Variants in CSMD3 observed in about 807,000 individuals in gnomAD.
CSMD3 encodes the protein CUB and sushi domain-containing protein 3.
A neutral mutation model predicts 435.2 loss-of-function variants in CSMD3; 177 were observed. The observed-to-expected ratio is 0.41, with a 90% CI of 0.36 to 0.46. The LOEUF (loss-of-function observed/expected upper bound fraction) is 0.46. CSMD3 is among the 20% of genes least tolerant of loss of function. CSMD3 has a pLI of 0.34. For missense variants in CSMD3, 4,265 were observed against 4,504.6 expected (o/e 0.95, Z 1.52); for synonymous variants, 1,656 against 1,520.5 (o/e 1.09, Z -2.07).
intron 22 of CSMD3, among the ~76,000 whole-genome samples, chr8:112,627,153 G>C (rs767743659): frequency 1.1e-4 from 16 of 152,118 alleles, no homozygotes; most frequent in Admixed American, 3.3e-4. Flanking sequence ...TGGCAAAGTT[G>C]ATGAATATCA....
intron 13 of CSMD3, among the ~76,000 whole-genome samples, chr8:112,699,957 CGTGT>C (rs138809387): frequency 2.6e-5 from 4 of 151,450 alleles, no homozygotes; most frequent in Non-Finnish European, 5.9e-5. Context: ...AAAACATACA[CGTGT>C]GTGTGTGTGC....
At chr8:112,453,957 T>C (rs1000307532) in intron 32 of CSMD3, among the ~76,000 whole-genome samples, 1 of 151,866 alleles carries the variant, frequency 6.6e-6, no homozygotes. Flanking sequence ...GAAATAAAGC[T>C]GTACTTCTAC....
At chr8:112,263,438 A>G (rs1816630778) in intron 61 of CSMD3, among the ~76,000 whole-genome samples, 1 of 152,168 alleles carries the variant, frequency 6.6e-6, no homozygotes, top group Non-Finnish European at 1.5e-5. Flanking sequence ...AAAGTTTATA[A>G]ACTAAAACCG....
intron 3 of CSMD3, among the ~76,000 whole-genome samples, chr8:113,211,515 C>A (rs1356668957): frequency 6.6e-6 from 1 of 152,030 alleles, no homozygotes; most frequent in Non-Finnish European, 1.5e-5. Context: ...CATGGTGAAA[C>A]CCTGTCTATT....
intron 16 of CSMD3, among the ~76,000 whole-genome samples, chr8:112,676,968 C>T (rs747860945): frequency 2.6e-5 from 4 of 152,094 alleles, no homozygotes; most frequent in Non-Finnish European, 5.9e-5. Context: ...ATGTCAAAAA[C>T]TTGCTGTCTC....
intron 3 of CSMD3, among the ~76,000 whole-genome samples, chr8:113,175,932 A>C (rs1363459161): frequency 6.6e-6 from 1 of 152,046 alleles, no homozygotes; most frequent in Admixed American, 6.6e-5. Flanking sequence ...AATAAAATGA[A>C]AGAGAAGAAA....
At chr8:113,308,027 T>C (rs538727450) in intron 2 of CSMD3, among the ~76,000 whole-genome samples, 7 of 152,268 alleles carry the variant, frequency 4.6e-5, no homozygotes, top group African/African-American at 1.2e-4. Flanking sequence ...CTATAGAGTG[T>C]TTCTCTATTT....
At chr8:112,249,569 A>T (rs1815077816) in intron 63 of CSMD3, among the ~76,000 whole-genome samples, 1 of 152,082 alleles carries the variant, frequency 6.6e-6, no homozygotes, top group Non-Finnish European at 1.5e-5. Context: ...TTTCTGCCTT[A>T]AAGTCAGAGT....
intron 8 of CSMD3, among the ~76,000 whole-genome samples, chr8:112,950,561 C>G (rs2083771736): frequency 6.6e-6 from 1 of 151,900 alleles, no homozygotes; most frequent in South Asian, 2.1e-4. Context: ...ATAGTTAACA[C>G]TTACATAATA....
intron 1 of CSMD3, among the ~76,000 whole-genome samples, chr8:113,354,663 G>A (rs1371244334): frequency 2.0e-5 from 3 of 152,030 alleles, no homozygotes; most frequent in African/African-American, 2.4e-5. Flanking sequence ...TTCTTGAAAC[G>A]GAGTCCAACT....
At chr8:112,579,186 A>C (rs944669861) in intron 23 of CSMD3, among the ~76,000 whole-genome samples, 2 of 152,106 alleles carry the variant, frequency 1.3e-5, no homozygotes, top group Admixed American at 6.6e-5. Flanking sequence ...AATTTGGTTA[A>C]TTAAATAATA....
At chr8:112,751,360 G>C (rs1248913667) in intron 13 of CSMD3, among the ~76,000 whole-genome samples, 1 of 152,062 alleles carries the variant, frequency 6.6e-6, no homozygotes, top group Non-Finnish European at 1.5e-5. Flanking sequence ...GGTGGAGAAA[G>C]AGGAGAGGAA....
chr8:112,523,132 C>A (rs1586591272), intron 27 of CSMD3, among the ~76,000 whole-genome samples: 2 of 151,902 alleles, frequency 1.3e-5, no homozygotes, highest in East Asian at 1.9e-4. Context: ...TATTTCAAGA[C>A]CTTTCAAAGA....
intron 13 of CSMD3, among the ~76,000 whole-genome samples, chr8:112,778,397 A>G (rs1007558254): frequency 2.0e-5 from 3 of 152,060 alleles, no homozygotes; most frequent in African/African-American, 7.2e-5. Context: ...ATCCCTGGAA[A>G]CCACTGATAA....
In CSMD3 at chr8:113,390,087, T is replaced by C. The variant is rs149917769; in HGVS notation, c.178+46590A>G. Among the ~76,000 whole-genome samples, 93 of 151,984 alleles carry C rather than the reference T, an allele frequency of 6.1e-4. 1 individual carries two copies. Among genetic ancestry groups the C allele is most frequent in the African/African-American group, 1.7e-3 (69 of 41,544 alleles). The stretch of plus-strand genomic sequence containing the variant: ...GATAGTGTCACACTTGCTAAAAATG[T>C]GATGACTCCACATTGTCAATTTAAC... On this transcript the variant is annotated intron_variant, in intron 1 of 70. Coordinates refer to ENST00000297405, the MANE Select transcript of CSMD3 (RefSeq NM_198123.2).
At chr8:113,278,280 G>A (rs1285883280) in intron 3 of CSMD3, among the ~76,000 whole-genome samples, 1 of 151,794 alleles carries the variant, frequency 6.6e-6, no homozygotes, top group Non-Finnish European at 1.5e-5. Flanking sequence ...CACAGCACAA[G>A]GGACTGTAGG....
intron 1 of CSMD3, among the ~76,000 whole-genome samples, chr8:113,332,369 C>G (rs1282705341): frequency 6.7e-6 from 1 of 148,580 alleles, no homozygotes; most frequent in African/African-American, 2.5e-5. Context: ...AATGAGGTAT[C>G]CCTGTATATA....
intron 54 of CSMD3, among the ~76,000 whole-genome samples, chr8:112,295,487 T>C (rs1820170655): frequency 6.6e-6 from 1 of 152,056 alleles, no homozygotes; most frequent in African/African-American, 2.4e-5. Flanking sequence ...TAACAAACCT[T>C]GATACAGCTA....
At chr8:112,720,524 A>G (rs2076834226) in intron 13 of CSMD3, among the ~76,000 whole-genome samples, 1 of 152,188 alleles carries the variant, frequency 6.6e-6, no homozygotes, top group African/African-American at 2.4e-5. Flanking sequence ...TTAATATTTT[A>G]AACTGTCCTA....
Sources: gnomAD v4.1 joint callset for allele counts (sites outside exome capture counted in the v4.1 genomes callset) on GRCh38, gnomAD v4.1.1 for gene constraint, MANE v1.5 for transcripts, NCBI Gene and HGNC (gene_info 2026-07-23, HGNC 2026-07-21) for gene names.